Variants in RBM20 observed in about 807,000 individuals in gnomAD.
RBM20 encodes RNA-binding protein 20.
In RBM20, 51 loss-of-function variants were observed where a neutral mutation model predicts 110.1. That is an observed-to-expected ratio of 0.46 (90% CI 0.37 to 0.59). The LOEUF (loss-of-function observed/expected upper bound fraction) is 0.59, where lower values mean the gene tolerates loss of function less well. Among genes scored for constraint, RBM20 ranks in the 20% least tolerant of loss-of-function variants. RBM20 has a pLI of 0.00. For synonymous variants in RBM20, 589 were observed against 618.2 expected (o/e 0.95, Z 0.70); for missense variants, 1,512 against 1,574.9 (o/e 0.96, Z 0.68).
At chr10:110,706,146 G>T (rs1413449347) in intron 1 of RBM20, among the ~76,000 whole-genome samples, 1 of 152,114 alleles carries the variant, frequency 6.6e-6, no homozygotes, top group Non-Finnish European at 1.5e-5. Flanking sequence ...TATTCCTGTT[G>T]TAAAAATCTC....
intron 12 of RBM20, among the ~76,000 whole-genome samples, chr10:110,828,772 C>T (rs904360511): frequency 6.6e-6 from 1 of 152,166 alleles, no homozygotes; most frequent in African/African-American, 2.4e-5. Context: ...CCTCTACATT[C>T]TATTTTCTCT....
Position 110,799,676 on chromosome 10 carries a change from A to G in RBM20, c.1669-111A>G, listed in dbSNP as rs1590687110. ...TCAATGCTAACTCCTGTCACCGTTG[A>G]TTAGTTTTGCCTGTTCTTGAACTTC... is the stretch of plus-strand genomic sequence containing the variant. On this transcript the variant is annotated intron_variant, in intron 6 of 13. Transcript: ENST00000369519. 1.3e-5 allele frequency: 14 copies of G among 1,042,082 alleles called. No homozygotes were observed. In the East Asian group the frequency reaches 3.5e-4, roughly 26 times the overall value. The allele number at this position is 1,042,082 out of a possible 1,614,324, so 64.6% of individuals were successfully genotyped here. A position where few individuals can be genotyped will look rare whatever the true frequency, so the allele number is the denominator to read the frequency against.
intron 1 of RBM20, among the ~76,000 whole-genome samples, chr10:110,768,479 C>G (rs963674084): frequency 6.6e-6 from 1 of 152,212 alleles, no homozygotes; most frequent in South Asian, 2.1e-4. Context: ...AAGCCCCAAT[C>G]TTAATGTTCT....
At chr10:110,764,610 C>T (rs1208568525) in intron 1 of RBM20, among the ~76,000 whole-genome samples, 3 of 152,218 alleles carry the variant, frequency 2.0e-5, no homozygotes, top group South Asian at 2.1e-4. Context: ...CTTTCTCTTT[C>T]GCTCCCTCCC....
intron 1 of RBM20, among the ~76,000 whole-genome samples, chr10:110,670,487 G>C (rs1213333345): frequency 1.3e-5 from 2 of 152,168 alleles, no homozygotes; most frequent in African/African-American, 2.4e-5. Context: ...ATTGGCTTCT[G>C]CTTCTTTCAC....
At chr10:110,767,402 C>G (rs1295437949) in intron 1 of RBM20, among the ~76,000 whole-genome samples, 1 of 150,694 alleles carries the variant, frequency 6.6e-6, no homozygotes, top group Admixed American at 6.6e-5. Context: ...ACCCCCACCT[C>G]CCTCCCGGAC....
At chr10:110,767,118 C>T (rs1224980930) in intron 1 of RBM20, among the ~76,000 whole-genome samples, 2 of 115,574 alleles carry the variant, frequency 1.7e-5, no homozygotes, top group Non-Finnish European at 3.8e-5. Flanking sequence ...GGCGGCTGAC[C>T]CCCCCCACCT....
At chr10:110,676,555 A>G (rs931279938) in intron 1 of RBM20, among the ~76,000 whole-genome samples, 4 of 152,222 alleles carry the variant, frequency 2.6e-5, no homozygotes, top group East Asian at 3.8e-4. Context: ...GTTCCTGCAC[A>G]TTTCAAACTG....
intron 5 of RBM20, among the ~76,000 whole-genome samples, chr10:110,787,993 C>T (rs74770795): frequency 3.9e-5 from 6 of 152,104 alleles, no homozygotes; most frequent in African/African-American, 1.4e-4. Context: ...GAGGTGGATA[C>T]TATTATTATC....
At chr10:110,803,922 A>G (rs982168414) in intron 7 of RBM20, among the ~76,000 whole-genome samples, 1 of 150,400 alleles carries the variant, frequency 6.6e-6, no homozygotes. Flanking sequence ...AGAGACCCTC[A>G]TTAGGACTTG....
intron 10 of RBM20, 107 bp downstream of exon 10, chr10:110,820,283 C>T: frequency 1.5e-6 from 1 of 684,076 alleles, no homozygotes; most frequent in Non-Finnish European, 2.5e-6. Flanking sequence ...TGAGACCCCA[C>T]CATTAGTTCC....
intron 1 of RBM20, among the ~76,000 whole-genome samples, chr10:110,712,051 A>G (rs1300663140): frequency 6.6e-6 from 1 of 152,270 alleles, no homozygotes; most frequent in African/African-American, 2.4e-5. Context: ...AAGAAGTGAT[A>G]AGATCCAAGT....
chr10:110,675,884 T>C (rs983903482), intron 1 of RBM20, among the ~76,000 whole-genome samples: 1 of 152,220 alleles, frequency 6.6e-6, no homozygotes, highest in Non-Finnish European at 1.5e-5. Flanking sequence ...GCAGAATGCC[T>C]AGCAGAGAGT....
rs1490817065 is a variant in RBM20, at chr10:110,821,471, C to A, written c.2852C>A (p.Thr951Asn). 6.4e-7 allele frequency: 1 copy of A among 1,551,858 alleles called. No individual in the cohort carries two copies. Among genetic ancestry groups the A allele is most frequent in the South Asian group, 1.2e-5 (1 of 84,066 alleles). ...CCAGAAACATGTCTGTGTGTGACAACCACCTTAGACTTAGACCTGGCCCAG... is the reference window on the plus strand; with the variant it reads ...CCAGAAACATGTCTGTGTGTGACAAACACCTTAGACTTAGACCTGGCCCAG... ...ICPETCLCVT[T>N]TLDLDLAQDF... The change falls in exon 11 of 14, where the codon ACC (threonine) becomes AAC (asparagine). Residue 951 changes from threonine to asparagine, a missense_variant. By Grantham distance (65) the Thr-to-Asn change is moderately conservative. Coordinates refer to ENST00000369519, the MANE Select transcript of RBM20 (RefSeq NM_001134363.3).
intron 1 of RBM20, among the ~76,000 whole-genome samples, chr10:110,703,033 C>G (rs1429450374): frequency 9.3e-6 from 1 of 107,448 alleles, no homozygotes; most frequent in African/African-American, 3.5e-5. Flanking sequence ...TAATACCTTT[C>G]TAACTGAAAT....
intron 1 of RBM20, among the ~76,000 whole-genome samples, chr10:110,731,343 C>A (rs953652600): frequency 5.9e-5 from 9 of 152,120 alleles, no homozygotes; most frequent in Non-Finnish European, 1.0e-4. Context: ...AGGAAGATGG[C>A]AATTCATTTG....
At chr10:110,748,849 A>G (rs1843818303) in intron 1 of RBM20, among the ~76,000 whole-genome samples, 1 of 152,188 alleles carries the variant, frequency 6.6e-6, no homozygotes, top group Admixed American at 6.5e-5. Context: ...CACAAAGGAG[A>G]CCATGTGCCC....
At chr10:110,777,059 C>T (rs965519838) in intron 1 of RBM20, among the ~76,000 whole-genome samples, 9 of 152,234 alleles carry the variant, frequency 5.9e-5, no homozygotes, top group African/African-American at 2.2e-4. Flanking sequence ...TCTGATGAGC[C>T]ATACCCCTTA....
chr10:110,754,155 C>T (rs1341056), intron 1 of RBM20, among the ~76,000 whole-genome samples: 63,312 of 152,002 alleles, frequency 0.42, 14,203 homozygotes, highest in African/African-American at 0.52. Context: ...TTTCTTTCAG[C>T]GTATTAAAGA....
Sources: allele counts gnomAD v4.1 joint callset (sites outside exome capture counted in the v4.1 genomes callset), GRCh38; gene constraint gnomAD v4.1.1; transcripts MANE v1.5; gene names NCBI Gene and HGNC (gene_info 2026-07-23, HGNC 2026-07-21).